The following CIC variants were observed in gnomAD, a reference collection of about 807,000 sequenced individuals.
CIC encodes protein capicua homolog.
CIC carries 18 observed loss-of-function variants against 115.7 expected under a neutral mutation model. That is an observed-to-expected ratio of 0.16 (90% CI 0.11 to 0.23). CIC has a LOEUF of 0.23. Among genes scored for constraint, CIC ranks in the 10% least tolerant of loss-of-function variants. The pLI is 1.00. For synonymous variants in CIC, 1,076 were observed against 923.0 expected (o/e 1.17, Z -3.01); for missense variants, 2,000 against 2,159.3 (o/e 0.93, Z 1.46).
At chr19:42,283,372 T>C (rs1428626755) in intron 2 of CIC, among the ~76,000 whole-genome samples, 1 of 151,910 alleles carries the variant, frequency 6.6e-6, no homozygotes. Flanking sequence ...AGATGGGTGA[T>C]GTGAACAGGA....
intron 2 of CIC, among the ~76,000 whole-genome samples, chr19:42,283,322 G>A (rs2037351267): frequency 6.6e-6 from 1 of 152,088 alleles, no homozygotes; most frequent in Non-Finnish European, 1.5e-5. Context: ...GGTGTGATGA[G>A]GATGCGGGTT....
In CIC at chr19:42,286,871, C is replaced by T. The variant is rs528736214; in HGVS notation, c.2895C>T (p.Ser965=). 65 of 1,612,886 alleles carry T rather than the reference C, an allele frequency of 4.0e-5. No individual in the cohort carries two copies. Among genetic ancestry groups the T allele is most frequent in the African/African-American group, 6.7e-5 (5 of 74,996 alleles). Residue 965 remains serine, a synonymous_variant, in exon 3 of 21, where the codon AGC becomes AGT. Transcript: ENST00000681038. ...PSQPDPSVQP[S]EAQQPASHPV... ...AGCCTGACCCCTCCGTGCAGCCGAG[C>T]GAGGCCCAGCAACCTGCCAGCCACC...
chr19:42,290,853 C>T lies in CIC; in HGVS notation c.4812C>T (p.Gly1604=), dbSNP rs957914234. ...PIASKPFPTS[G]RAEASPNDTA... is the part of the protein sequence containing the mutation. ...CCTCTAAGCCCTTCCCCACCTCTGG[C>T]CGGGCTGAGGCGTCTCCAAATGACA... is the stretch of plus-strand genomic sequence containing the variant. Residue 1604 remains glycine, a synonymous_variant, in exon 11 of 21, where the codon GGC becomes GGT. Transcript: ENST00000681038. 1.2e-6 allele frequency: 2 copies of T among 1,610,998 alleles called. No homozygotes were observed. The highest frequency in any genetic ancestry group is 1.7e-6 in the Non-Finnish European group (2 of 1,178,906).
At chr19:42,292,524 G>A (rs747214105) in intron 14 of CIC, 42 bp from the exon 15 acceptor site, 1 of 1,611,992 alleles carries the variant, frequency 6.2e-7, no homozygotes, top group Non-Finnish European at 8.5e-7. Context: ...AGGCAGTCCG[G>A]GCCCTAACTT....
chr19:42,289,549 T>C (rs905696142), intron 9 of CIC, 143 bp downstream of exon 9: 3 of 1,000,482 alleles, frequency 3.0e-6, no homozygotes, highest in African/African-American at 3.2e-5. Flanking sequence ...GTTCAGGCCC[T>C]GCCGAGTAAA....
chr19:42,289,329 G>A lies in CIC; in HGVS notation c.4010G>A (p.Arg1337His), dbSNP rs532264982. The A allele has an allele frequency of 5.0e-6, 8 of 1,613,976 alleles. No homozygotes were observed. Among genetic ancestry groups the A allele is most frequent in the East Asian group, 2.2e-5 (1 of 44,876 alleles). ...CCCACCCGAGCTTCTCGTTCTCAGC[G>A]TGCGGCCAGTGAGGACATGACGAGT... is the stretch of plus-strand genomic sequence containing the variant. ...LLPTRASRSQ[R>H]AASEDMTSDE... is the part of the protein sequence containing the mutation. The change falls in exon 9 of 21, where the codon CGT becomes CAT. Residue 1337 changes from arginine to histidine, a missense_variant. Arg to His is a conservative substitution (Grantham distance 29). Around this residue, in one of 8 missense-constraint regions of CIC, gnomAD observed 1,466 missense variants for 1,390.4 expected, o/e 1.05. Coordinates refer to ENST00000681038, the MANE Select transcript of CIC (RefSeq NM_001386298.1).
intron 17 of CIC, 43 bp from the exon 18 acceptor site, chr19:42,293,892 G>A (rs2038333390): frequency 1.2e-6 from 2 of 1,612,940 alleles, no homozygotes; most frequent in East Asian, 2.2e-5. Context: ...AGTGGGAGCA[G>A]CTGCAGGCTG....
Position 42,295,237 on chromosome 19 carries a change from A to G in CIC, c.*46A>G, listed in dbSNP as rs369086665. On this transcript the variant is annotated 3_prime_UTR_variant, in exon 21 of 21. Coordinates refer to ENST00000681038, the MANE Select transcript of CIC (RefSeq NM_001386298.1). ...AGGACTTATAGTACCCCCTCAGGAC[A>G]TGGACAGTATGTGGGGGCAGGAAGG... is the stretch of plus-strand genomic sequence containing the variant. 3.9e-5 allele frequency: 58 copies of G among 1,501,234 alleles called. No individual in the cohort carries two copies. The East Asian group carries it at 4.0e-4, about 10-fold the overall frequency. 93.0% of individuals were successfully genotyped at this position (1,501,234 alleles called of 1,614,324 possible). A position where few individuals can be genotyped will look rare whatever the true frequency, so the allele number is the denominator to read the frequency against.
At chr19:42,289,541 T>A in intron 9 of CIC, 135 bp downstream of exon 9, 1 of 1,043,120 alleles carries the variant, frequency 9.6e-7, no homozygotes, top group Non-Finnish European at 1.4e-6. Context: ...TGTGGCCAGT[T>A]CAGGCCCTGC....
chr19:42,269,109 GC>G (rs1405695126), upstream of CIC: 1 of 152,210 alleles, frequency 6.6e-6, no homozygotes, highest in African/African-American at 2.4e-5. Context: ...TGCCCGATGG[GC>G]CCAATTGGTC....
In CIC at chr19:42,286,791, C is replaced by T. The variant is rs375028132; in HGVS notation, c.2815C>T (p.Arg939Cys). ...PGTVWTNVEP[R>C]SVAVFPWHSL... ...CACAGTGTGGACGAATGTGGAACCT[C>T]GCTCTGTGGCTGTGTTCCCTTGGCA... The change falls in exon 3 of 21, where the codon CGC becomes TGC. Residue 939 changes from arginine (R) to cysteine (C), a missense_variant. By Grantham distance (180) the Arg-to-Cys change is radical. This residue lies in a region of CIC where 222 missense variants were observed against 247.7 expected (regional missense o/e 0.90). Transcript: ENST00000681038. The T allele has an allele frequency of 3.2e-5, 52 of 1,613,906 alleles. No individual in the cohort carries two copies. Among genetic ancestry groups the T allele is most frequent in the Non-Finnish European group, 4.3e-5 (51 of 1,180,006 alleles).
At chr19:42,292,029 C>T (rs1040451253) in intron 12 of CIC, 57 bp from the exon 13 acceptor site, 13 of 1,611,118 alleles carry the variant, frequency 8.1e-6, no homozygotes, top group South Asian at 1.1e-5. Flanking sequence ...CTTGGTCTTC[C>T]CCTGCCCCAG....
Position 42,287,422 on chromosome 19 carries a change from T to C in CIC, c.3282T>C (p.Ser1094=). ...SALPKERDSS[S]EKDGRSPNKR... ...TACCCAAGGAACGGGACTCATCTTC[T>C]GAGAAGGATGGACGCAGCCCCAACA... Residue 1094 remains serine (S), a synonymous_variant, in exon 5 of 21, where the codon TCT becomes TCC. Transcript: ENST00000681038. The surrounding 1 kb of genome is among the most constrained non-coding windows in gnomAD (Gnocchi z 8.7). 1.9e-6 allele frequency: 3 copies of C among 1,613,892 alleles called. No homozygotes were observed. The South Asian group carries it at 3.3e-5, about 18-fold the overall frequency.
In CIC at chr19:42,289,903, C is replaced by A; in HGVS notation, c.4143C>A (p.Thr1381=). The A allele has an allele frequency of 6.2e-7, 1 of 1,610,276 alleles. No individual in the cohort carries two copies. Among genetic ancestry groups the A allele is most frequent in the Non-Finnish European group, 8.5e-7 (1 of 1,178,552 alleles). ...ATCTCAAGTGCAAGGAGCGGGTGAC[C>A]GACAGCGAGAGTGGGGACAGCTCTG... ...DIDLKCKERV[T]DSESGDSSGE... Residue 1381 remains threonine (T), a synonymous_variant, in exon 10 of 21, where the codon ACC becomes ACA. Transcript: ENST00000681038.
chr19:42,282,843 G>C (rs2037323107), intron 2 of CIC, among the ~76,000 whole-genome samples: 2 of 138,466 alleles, frequency 1.4e-5, no homozygotes, highest in African/African-American at 2.6e-5. Context: ...GCCCCAGTAA[G>C]TGTTAGTTTC....
chr19:42,291,765 T>TCTACCTG lies in CIC; in HGVS notation c.5613+23_5613+29dup. On this transcript the variant is annotated intron_variant, in intron 12 of 20. Transcript: ENST00000681038. Reference sequence around the variant, plus strand: ...AGCAAGGTGAGGGCCTGCCTTTCTCTCTACCTGCTGGATGTTGGCCCCTGT... The same window carrying TCTACCTG: ...AGCAAGGTGAGGGCCTGCCTTTCTCTCTACCTGCTACCTGCTGGATGTTGGCCCCTGT... The TCTACCTG allele has an allele frequency of 6.2e-7, 1 of 1,612,798 alleles. No individual in the cohort carries two copies. Among genetic ancestry groups the TCTACCTG allele is most frequent in the Non-Finnish European group, 8.5e-7 (1 of 1,179,834 alleles).
chr19:42,290,450 A>T lies in CIC; in HGVS notation c.4409A>T (p.Glu1470Val). 4 of 1,614,018 alleles carry T rather than the reference A, an allele frequency of 2.5e-6. No homozygotes were observed. The highest frequency in any genetic ancestry group is 3.4e-6 in the Non-Finnish European group (4 of 1,179,962). Residue 1470 changes from glutamate (E) to valine (V), a missense_variant, in exon 11 of 21, where the codon GAG (glutamate) becomes GTG (valine). Around this residue, in one of 8 missense-constraint regions of CIC, gnomAD observed 1,466 missense variants for 1,390.4 expected, o/e 1.05. Coordinates refer to ENST00000681038, the MANE Select transcript of CIC (RefSeq NM_001386298.1). ...GGCTCAGGAACCTTCAAGGCCCAGG[A>T]GTCTGGTCAGGGCAGCACAGCGGGC... The part of the protein sequence containing the change: ...SLGSGTFKAQ[E>V]SGQGSTAGPL...
chr19:42,275,403 G>A (rs913171996), intron 2 of CIC, among the ~76,000 whole-genome samples: 1 of 152,250 alleles, frequency 6.6e-6, no homozygotes, highest in African/African-American at 2.4e-5. Flanking sequence ...GTTGAAGGAT[G>A]AGTGGGAACC....
In CIC at chr19:42,291,829, C is replaced by T. The variant is rs550131091; in HGVS notation, c.5613+84C>T. Reference sequence around the variant, plus strand: ...TTTGTCTTTTTTTTCAGTCTTTTCTCCTTCTCCATGTATCTGGTTCTCTGT... The same window carrying T: ...TTTGTCTTTTTTTTCAGTCTTTTCTTCTTCTCCATGTATCTGGTTCTCTGT... On this transcript the variant is annotated intron_variant, in intron 12 of 20. Transcript: ENST00000681038. The T allele has an allele frequency of 2.4e-4, 370 of 1,526,372 alleles. 2 individuals carry two copies. In the South Asian group the frequency reaches 2.6e-3, roughly 11 times the overall value. The allele number at this position is 1,526,372 out of a possible 1,614,324, so 94.6% of individuals were successfully genotyped here.
Sources: gnomAD v4.1 joint callset for allele counts (sites outside exome capture counted in the v4.1 genomes callset) on GRCh38, gnomAD v4.1.1 for gene constraint, gnomAD v4.1.1 regional missense constraint, Gnocchi (gnomAD v3.1) non-coding constraint, MANE v1.5 for transcripts, NCBI Gene and HGNC (gene_info 2026-07-23, HGNC 2026-07-21) for gene names.